The following SUZ12 variants were observed in gnomAD, a reference collection of about 807,000 sequenced individuals.
SUZ12 encodes the protein SUZ12 polycomb repressive complex 2 subunit.
In SUZ12, 17 loss-of-function variants were observed where a neutral mutation model predicts 87.3. The observed-to-expected ratio is 0.19, with a 90% CI of 0.13 to 0.29. SUZ12 has a LOEUF of 0.29. SUZ12 is among the 10% of genes least tolerant of loss of function. SUZ12 has a pLI of 1.00. For missense variants in SUZ12, 526 were observed against 912.2 expected, an observed-to-expected ratio of 0.58 and a Z score of 5.45; for synonymous variants, 253 against 312.4, an observed-to-expected ratio of 0.81 and a Z score of 2.01.
rs539424105 is a variant in SUZ12 at position 31,978,530 on chromosome 17, T to C, written c.917+1916T>C. Among the ~76,000 whole-genome samples the C allele has an allele frequency of 5.9e-5, 9 of 152,122 alleles. No individual in the cohort carries two copies. The East Asian group carries it at 1.5e-3, about 26-fold the overall frequency. On this transcript the variant is annotated intron_variant, in intron 8 of 15. Transcript: ENST00000322652. Reference sequence around the variant, plus strand: ...CCAGTGTCTTTTTAAAGTCAGAAATTTTATTGTGGATCGAAGATTTAAATG... The same window carrying C: ...CCAGTGTCTTTTTAAAGTCAGAAATCTTATTGTGGATCGAAGATTTAAATG...
At chr17:31,963,232 C>T (rs1907848137) in intron 4 of SUZ12, among the ~76,000 whole-genome samples, 1 of 152,206 alleles carries the variant, frequency 6.6e-6, no homozygotes, top group South Asian at 2.1e-4. Flanking sequence ...GCAGCCTCCA[C>T]CTCCTGGGTT....
intron 10 of SUZ12, among the ~76,000 whole-genome samples, chr17:31,992,806 C>A (rs1909789696): frequency 6.6e-6 from 1 of 151,614 alleles, no homozygotes; most frequent in Non-Finnish European, 1.5e-5. Context: ...CTCCCGGGTT[C>A]AAGCAATTCT....
At chr17:31,957,566 C>T (rs1907428674) in intron 4 of SUZ12, among the ~76,000 whole-genome samples, 1 of 151,882 alleles carries the variant, frequency 6.6e-6, no homozygotes, top group African/African-American at 2.4e-5. Flanking sequence ...TGCCTGCCAC[C>T]ACGCCTAGCT....
Position 32,000,714 on chromosome 17 carries a change from CT to C in SUZ12, c.*1713del, listed in dbSNP as rs751708465. ...ATGTCATTTCTTAAGCAGTTATGCT[CT>C]TAATGCTTAAAAGAAGGCTAGCATT... On this transcript the variant is annotated 3_prime_UTR_variant, in exon 16 of 16. Coordinates refer to ENST00000322652, the MANE Select transcript of SUZ12 (RefSeq NM_015355.4). The C allele has an allele frequency of 1.2e-4, 28 of 230,226 alleles. No individual in the cohort carries two copies. Among genetic ancestry groups the C allele is most frequent in the Non-Finnish European group, 2.1e-4 (24 of 116,258 alleles). The allele number at this position is 230,226 out of a possible 1,614,324, so 14.3% of individuals were successfully genotyped here.
At chr17:31,951,098 T>A (rs1351983095) in intron 4 of SUZ12, among the ~76,000 whole-genome samples, 1 of 152,130 alleles carries the variant, frequency 6.6e-6, no homozygotes, top group African/African-American at 2.4e-5. Context: ...TTGTACTATT[T>A]CAGTTTGACT....
intron 4 of SUZ12, among the ~76,000 whole-genome samples, chr17:31,963,362 C>T (rs1343180560): frequency 1.3e-5 from 2 of 151,942 alleles, no homozygotes; most frequent in Admixed American, 6.6e-5. Flanking sequence ...AAGGATGGTT[C>T]TTGATCTCCT....
rs990773706 is a variant in SUZ12 at position 31,999,030 on chromosome 17, A to G, written c.*27A>G. ...AAGCTCTAACCCCATGTTATGGACA[A>G]ACACTGAAATTACATTTTAGGGAAT... On this transcript the variant is annotated 3_prime_UTR_variant, in exon 16 of 16. Transcript: ENST00000322652. 4 of 1,480,940 alleles carry G rather than the reference A, an allele frequency of 2.7e-6. No individual in the cohort carries two copies. The highest frequency in any genetic ancestry group is 2.8e-5 in the African/African-American group (2 of 70,974). The allele number at this position is 1,480,940 out of a possible 1,614,324, so 91.7% of individuals were successfully genotyped here.
chr17:31,990,657 G>T (rs1057140165), intron 10 of SUZ12, among the ~76,000 whole-genome samples: 6 of 152,148 alleles, frequency 3.9e-5, no homozygotes, highest in African/African-American at 1.4e-4. Context: ...GAGCCATCGC[G>T]CCCAGCCAGT....
chr17:31,972,679 G>A (rs1908512795), intron 5 of SUZ12, among the ~76,000 whole-genome samples: 1 of 151,764 alleles, frequency 6.6e-6, no homozygotes, highest in South Asian at 2.1e-4. Flanking sequence ...CTCCCAAAGT[G>A]TTGGGATTAC....
intron 4 of SUZ12, among the ~76,000 whole-genome samples, chr17:31,956,608 C>T (rs117452943): frequency 0.016 from 2,462 of 152,166 alleles, 35 homozygotes; most frequent in Non-Finnish European, 0.025. Context: ...TGCTGCTCTT[C>T]GGTCACTTCA....
intron 3 of SUZ12, among the ~76,000 whole-genome samples, chr17:31,943,080 A>G (rs1386896537): frequency 1.3e-5 from 2 of 152,214 alleles, no homozygotes; most frequent in African/African-American, 4.8e-5. Context: ...GTCTTTTGGC[A>G]ATCTTTCTGA....
At chr17:31,964,345 A>G (rs1907954381) in intron 4 of SUZ12, among the ~76,000 whole-genome samples, 1 of 123,096 alleles carries the variant, frequency 8.1e-6, no homozygotes, top group Non-Finnish European at 1.5e-5. Flanking sequence ...TTTCTAGAAC[A>G]TACTTTTCTA....
chr17:31,942,203 A>G (rs1182927053), intron 3 of SUZ12, among the ~76,000 whole-genome samples: 1 of 152,020 alleles, frequency 6.6e-6, no homozygotes, highest in Non-Finnish European at 1.5e-5. Flanking sequence ...AATATTTACT[A>G]AAGGGCTCAG....
At chr17:31,992,351 T>A (rs940363439) in intron 10 of SUZ12, among the ~76,000 whole-genome samples, 1 of 152,192 alleles carries the variant, frequency 6.6e-6, no homozygotes, top group African/African-American at 2.4e-5. Context: ...TAATGACATA[T>A]AATTACTTGG....
chr17:31,938,500 C>T (rs1444822473), intron 1 of SUZ12, among the ~76,000 whole-genome samples: 1 of 152,198 alleles, frequency 6.6e-6, no homozygotes, highest in Non-Finnish European at 1.5e-5. Context: ...ACCCTTCCTT[C>T]ATTCTCTCTC....
intron 12 of SUZ12, 183 bp from the exon 13 acceptor site, chr17:31,994,381 C>T: frequency 4.1e-6 from 2 of 486,028 alleles, no homozygotes; most frequent in Non-Finnish European, 7.0e-6. Context: ...CAATAAATGA[C>T]ATAGTTAAGA....
intron 3 of SUZ12, among the ~76,000 whole-genome samples, chr17:31,944,375 A>G (rs536221360): frequency 7.2e-5 from 11 of 151,906 alleles, no homozygotes; most frequent in African/African-American, 2.7e-4. Context: ...TGATCTGCCC[A>G]CCTCGGACTC....
rs190787109 is a variant in SUZ12 at position 31,976,498 on chromosome 17, T to C, written c.824-23T>C. The C allele has an allele frequency of 5.4e-4, 861 of 1,588,044 alleles. 3 individuals carry two copies. In the East Asian group the frequency reaches 0.011, roughly 21 times the overall value. On this transcript the variant is annotated intron_variant, in intron 7 of 15. Coordinates refer to ENST00000322652, the MANE Select transcript of SUZ12 (RefSeq NM_015355.4). ...CATTTTTGTTCTAATATTTGATTTA[T>C]GAGAAATGTTTGTTAAATTTAGATG...
rs191502418 is a variant in SUZ12 at position 31,979,981 on chromosome 17, G to C, written c.918-3018G>C. ...GTTCTCTGCTCCCACTGCTTCACTT[G>C]ACTAACCCTAAAAAATATATATATA... On this transcript the variant is annotated intron_variant, in intron 8 of 15. Transcript: ENST00000322652. Among the ~76,000 whole-genome samples the C allele has an allele frequency of 5.2e-3, 784 of 151,132 alleles. 2 individuals carry two copies. Among genetic ancestry groups the C allele is most frequent in the Middle Eastern group, 0.02 (6 of 294 alleles).
Sources: gnomAD v4.1 joint callset for allele counts (sites outside exome capture counted in the v4.1 genomes callset) on GRCh38, gnomAD v4.1.1 for gene constraint, MANE v1.5 for transcripts, NCBI Gene and HGNC (gene_info 2026-07-23, HGNC 2026-07-21) for gene names.